TLN2: variants seen among roughly 807,000 people sequenced by gnomAD.
The protein encoded by TLN2 is talin 2.
A neutral mutation model predicts 294.7 loss-of-function variants in TLN2; 118 were observed. That is an observed-to-expected ratio of 0.40 (90% CI 0.34 to 0.47). The LOEUF is 0.47. Ranked by LOEUF, TLN2 falls within the 20% of genes least tolerant of loss-of-function variation. The pLI is 0.84. For synonymous variants in TLN2, 1,431 were observed against 1,304.5 expected (o/e 1.10, Z -2.09); for missense variants, 3,083 against 3,282.2 (o/e 0.94, Z 1.48).
intron 1 of TLN2, among the ~76,000 whole-genome samples, chr15:62,584,763 C>T (rs560988491): frequency 3.3e-5 from 5 of 152,306 alleles, no homozygotes; most frequent in East Asian, 1.9e-4. Context: ...TGTCTGTGTA[C>T]GGCTGCCAAA....
Position 62,708,569 on chromosome 15 carries a change from A to G in TLN2, c.2240A>G (p.Asp747Gly). 6.2e-7 allele frequency: 1 copy of G among 1,614,066 alleles called. No individual in the cohort carries two copies. The highest frequency in any genetic ancestry group is 8.5e-7 in the Non-Finnish European group (1 of 1,180,002). The change falls in exon 21 of 59, where the codon GAC (aspartate) becomes GGC (glycine). Residue 747 changes from aspartate (D) to glycine (G), a missense_variant. Transcript: ENST00000636159. ...EQLIEAGKLV[D>G]RSVENCVRAC... is the part of the protein sequence containing the mutation. Reference sequence around the variant, plus strand: ...CTGATTGAAGCAGGGAAGCTGGTGGACCGCTCGGTGGAGAACTGTGTCCGT... The same window carrying G: ...CTGATTGAAGCAGGGAAGCTGGTGGGCCGCTCGGTGGAGAACTGTGTCCGT...
chr15:62,441,338 G>A (rs201782973), intron 1 of TLN2, among the ~76,000 whole-genome samples: 1 of 152,198 alleles, frequency 6.6e-6, no homozygotes, highest in East Asian at 1.9e-4. Flanking sequence ...CTCACGTGAT[G>A]TCTGTGCTTC....
intron 48 of TLN2, among the ~76,000 whole-genome samples, chr15:62,799,074 G>C (rs963504307): frequency 4.6e-5 from 7 of 152,140 alleles, no homozygotes; most frequent in African/African-American, 9.7e-5. Flanking sequence ...AATTTAATGA[G>C]GTAGATGGGG....
intron 37 of TLN2, 84 bp from the exon 38 acceptor site, chr15:62,761,597 T>G: frequency 6.3e-7 from 1 of 1,578,776 alleles, no homozygotes; most frequent in South Asian, 1.1e-5. Context: ...TGAACCACCT[T>G]CTTTCACTAA....
chr15:62,578,831 C>G (rs1269090826), intron 1 of TLN2, among the ~76,000 whole-genome samples: 2 of 151,924 alleles, frequency 1.3e-5, no homozygotes, highest in Non-Finnish European at 2.9e-5. Flanking sequence ...AGGACTTAGT[C>G]AGGGAGCAAG....
chr15:62,423,150 T>C (rs1370779028), intron 1 of TLN2, among the ~76,000 whole-genome samples: 1 of 152,112 alleles, frequency 6.6e-6, no homozygotes, highest in African/African-American at 2.4e-5. Flanking sequence ...TCCCAGCACT[T>C]TGGGAGGCCA....
chr15:62,825,981 G>A (rs111680839), intron 54 of TLN2, among the ~76,000 whole-genome samples: 40 of 145,610 alleles, frequency 2.7e-4, no homozygotes, highest in African/African-American at 7.3e-4. Flanking sequence ...AGCCGGGATC[G>A]TGCCACTGCA....
chr15:62,649,891 T>C, intron 4 of TLN2, 193 bp from the exon 5 acceptor site: 1 of 545,974 alleles, frequency 1.8e-6, no homozygotes, highest in South Asian at 2.4e-5. Flanking sequence ...TGGGTGTTGC[T>C]TCTGCAACTC....
chr15:62,644,695 T>C (rs2051617076), intron 3 of TLN2: 1 of 416,890 alleles, frequency 2.4e-6, no homozygotes, highest in Non-Finnish European at 4.7e-6. Context: ...CCTTTGATTC[T>C]GCTGCCCCTT....
intron 1 of TLN2, among the ~76,000 whole-genome samples, chr15:62,579,408 G>C (rs947421357): frequency 2.6e-5 from 4 of 152,186 alleles, no homozygotes; most frequent in African/African-American, 9.6e-5. Flanking sequence ...GAGTATTCCT[G>C]ATTTCCGCAT....
At chr15:62,793,026 C>T (rs1484147253) in intron 46 of TLN2, among the ~76,000 whole-genome samples, 3 of 152,232 alleles carry the variant, frequency 2.0e-5, no homozygotes, top group African/African-American at 7.2e-5. Flanking sequence ...AGGTCAGGCC[C>T]TGGCACTCCC....
intron 27 of TLN2, among the ~76,000 whole-genome samples, chr15:62,725,780 C>G (rs2060406353): frequency 6.6e-6 from 1 of 152,166 alleles, no homozygotes; most frequent in Non-Finnish European, 1.5e-5. Flanking sequence ...ACCGTTCTGT[C>G]CAATGTTATC....
At chr15:62,630,752 A>C (rs1052165982) in intron 3 of TLN2, among the ~76,000 whole-genome samples, 2 of 152,104 alleles carry the variant, frequency 1.3e-5, no homozygotes. Context: ...ATCAATAAAG[A>C]AGAGAATGGA....
At chr15:62,480,027 T>C (rs2037993614) in intron 1 of TLN2, among the ~76,000 whole-genome samples, 1 of 152,188 alleles carries the variant, frequency 6.6e-6, no homozygotes, top group Non-Finnish European at 1.5e-5. Flanking sequence ...CTCCTGTCAT[T>C]GCAAGCCTCC....
chr15:62,541,801 G>C (rs878884299), intron 1 of TLN2, among the ~76,000 whole-genome samples: 1 of 152,028 alleles, frequency 6.6e-6, no homozygotes, highest in Admixed American at 6.6e-5. Context: ...TGAGCCCATA[G>C]ACATTATTAC....
At chr15:62,813,726 T>C (rs781342522) in intron 52 of TLN2, among the ~76,000 whole-genome samples, 5 of 152,124 alleles carry the variant, frequency 3.3e-5, no homozygotes, top group Admixed American at 6.5e-5. Context: ...TAATTAGGCA[T>C]ACTGTACATT....
intron 1 of TLN2, among the ~76,000 whole-genome samples, chr15:62,425,844 C>G (rs759957974): frequency 6.6e-6 from 1 of 152,176 alleles, no homozygotes; most frequent in Non-Finnish European, 1.5e-5. Context: ...AATTTACCAT[C>G]ATTGGTTGAG....
intron 41 of TLN2, among the ~76,000 whole-genome samples, chr15:62,769,875 C>T (rs1326237817): frequency 6.6e-6 from 1 of 152,208 alleles, no homozygotes; most frequent in Admixed American, 6.5e-5. Flanking sequence ...AAGTGTGATT[C>T]ATGCCATTGT....
At chr15:62,796,026 T>C in intron 46 of TLN2, 101 bp from the exon 47 acceptor site, 1 of 1,447,430 alleles carries the variant, frequency 6.9e-7, no homozygotes, top group Non-Finnish European at 9.4e-7. Context: ...ACCTCTAAGC[T>C]ACATCAACTC....
Sources: gnomAD v4.1 joint callset for allele counts (sites outside exome capture counted in the v4.1 genomes callset) on GRCh38, gnomAD v4.1.1 for gene constraint, MANE v1.5 for transcripts, NCBI Gene and HGNC (gene_info 2026-07-23, HGNC 2026-07-21) for gene names.